RALGDS: variants seen among roughly 807,000 people sequenced by gnomAD.
RALGDS encodes ral guanine nucleotide dissociation stimulator, also known as ral guanine nucleotide exchange factor.
A neutral mutation model predicts 99.8 loss-of-function variants in RALGDS; 44 were observed. The ratio of observed to expected loss-of-function variants is 0.44; its 90% confidence interval spans 0.35 to 0.57. The LOEUF (loss-of-function observed/expected upper bound fraction) is 0.57. Among genes scored for constraint, RALGDS ranks in the 20% least tolerant of loss-of-function variants. The pLI is 0.01. For missense variants in RALGDS, 1,022 were observed against 1,203.1 expected (o/e 0.85, Z 2.23); for synonymous variants, 529 against 505.0 (o/e 1.05, Z -0.64).
chr9:133,118,308 A>G (rs1831720119), intron 1 of RALGDS, among the ~76,000 whole-genome samples: 4 of 152,232 alleles, frequency 2.6e-5, no homozygotes, highest in South Asian at 4.1e-4. Context: ...ACCTGCACAC[A>G]GTGTGATCAA....
At chr9:133,108,611 C>T (rs955460603) in intron 5 of RALGDS, 62 bp downstream of exon 5, 12 of 1,589,712 alleles carry the variant, frequency 7.5e-6, no homozygotes, top group South Asian at 2.2e-5. Context: ...GCCTCCTCTT[C>T]GTGTGGCCCA....
chr9:133,104,570 G>A, intron 9 of RALGDS: 2 of 536,848 alleles, frequency 3.7e-6, no homozygotes, highest in Non-Finnish European at 6.8e-6. Context: ...CCAGCATTTT[G>A]GAAGGCCAAG....
At chr9:133,110,268 C>A (rs746457280) in intron 3 of RALGDS, 28 bp downstream of exon 3, 2 of 1,604,920 alleles carry the variant, frequency 1.2e-6, no homozygotes, top group South Asian at 2.2e-5. Context: ...CCCCTGTGCA[C>A]CCTGTGCAGT....
rs567819979 is a variant in RALGDS, at chr9:133,119,593, C to T, written c.183+1379G>A. ...TGCACGGCCACTGTGAGCGCTCCGCCGGACCCTCCCAGCACACAAAGCCCG... is the reference window on the plus strand; with the variant it reads ...TGCACGGCCACTGTGAGCGCTCCGCTGGACCCTCCCAGCACACAAAGCCCG... On this transcript the variant is annotated intron_variant, in intron 1 of 17. Transcript: ENST00000372050. Among the ~76,000 whole-genome samples, 161 of 152,178 alleles carry T rather than the reference C, an allele frequency of 1.1e-3. 1 individual carries two copies. Among genetic ancestry groups the T allele is most frequent in the African/African-American group, 3.7e-3 (153 of 41,514 alleles).
At chr9:133,104,361 G>C (rs772853164) in intron 9 of RALGDS, 30 bp from the exon 10 acceptor site, 2 of 1,586,222 alleles carry the variant, frequency 1.3e-6, no homozygotes, top group Non-Finnish European at 8.7e-7. Flanking sequence ...GGTCAGCAAG[G>C]CCCTATCCCC....
chr9:133,110,927 C>T (rs1564238389), intron 2 of RALGDS, among the ~76,000 whole-genome samples: 1 of 151,134 alleles, frequency 6.6e-6, no homozygotes, highest in Admixed American at 6.6e-5. Context: ...ACAAAAAATA[C>T]AAAATTAGCC....
At chr9:133,101,176 A>C in intron 16 of RALGDS, 6 of 1,197,288 alleles carry the variant, frequency 5.0e-6, no homozygotes, top group South Asian at 3.4e-5. Flanking sequence ...CCAGACAGAG[A>C]AGCCAGCCAT....
At position 133,103,725 on chromosome 9, in the gene RALGDS, C is replaced by T. The variant is rs774484863; in HGVS notation, c.1758+22G>A. On this transcript the variant is annotated intron_variant, in intron 11 of 17. Transcript: ENST00000372050. The stretch of plus-strand genomic sequence containing the variant: ...AGGTCTCTCCTCCCGGGCCCTACTC[C>T]AGCCCCGCCCGGCACACTCACATAC... The T allele has an allele frequency of 1.1e-5, 18 of 1,612,034 alleles. No homozygotes were observed. In the South Asian group the frequency reaches 1.6e-4, roughly 15 times the overall value.
chr9:133,117,518 G>A (rs1831669868), intron 1 of RALGDS, among the ~76,000 whole-genome samples: 3 of 152,198 alleles, frequency 2.0e-5, no homozygotes, highest in African/African-American at 7.2e-5. Context: ...AGCCACTGTT[G>A]GGCTGCCATC....
At chr9:133,142,244 T>C (rs1462375040) in intron 1 of RALGDS, among the ~76,000 whole-genome samples, 2 of 152,018 alleles carry the variant, frequency 1.3e-5, no homozygotes, top group African/African-American at 4.8e-5. Flanking sequence ...CCATGAGAAG[T>C]ATCTGAGGAA....
intron 2 of RALGDS, among the ~76,000 whole-genome samples, chr9:133,110,804 A>G (rs1199924762): frequency 6.6e-6 from 1 of 152,184 alleles, no homozygotes; most frequent in Non-Finnish European, 1.5e-5. Context: ...AGCCAGGGCC[A>G]GGCATAGTAG....
intron 1 of RALGDS, among the ~76,000 whole-genome samples, chr9:133,143,902 T>C (rs1206609429): frequency 6.6e-6 from 1 of 151,674 alleles, no homozygotes; most frequent in Non-Finnish European, 1.5e-5. Flanking sequence ...TGATGCCATG[T>C]GAGCAGCTCC....
intron 1 of RALGDS, among the ~76,000 whole-genome samples, chr9:133,117,755 C>T (rs1437657429): frequency 3.9e-5 from 6 of 152,228 alleles, no homozygotes; most frequent in African/African-American, 1.4e-4. Context: ...AGCATGGTGG[C>T]ACCACGCCAT....
chr9:133,100,325 G>A lies in RALGDS; in HGVS notation c.2512C>T (p.Leu838=). The stretch of plus-strand genomic sequence containing the variant: ...TAGTCCTCCGGCTCCTCCTCCTCCA[G>A]GTTGTGTTTGTCCATGGCCTTGCGG... ...VIRKAMDKHN[L]EEEEPEDYEL... The change falls in exon 17 of 18, where the codon CTG becomes TTG. Residue 838 remains leucine (L), a synonymous_variant. Transcript: ENST00000372050. 2.5e-6 allele frequency: 4 copies of A among 1,614,214 alleles called. No homozygotes were observed. The highest frequency in any genetic ancestry group is 3.4e-6 in the Non-Finnish European group (4 of 1,180,026).
rs1246789806 is a variant in RALGDS, at chr9:133,104,311, G to A, written c.1623C>T (p.Ala541=). 6 of 1,613,668 alleles carry A rather than the reference G, an allele frequency of 3.7e-6. No homozygotes were observed. Among genetic ancestry groups the A allele is most frequent in the Non-Finnish European group, 5.1e-6 (6 of 1,179,702 alleles). The stretch of plus-strand genomic sequence containing the variant: ...CTCTCTTGGGGTTCATCTCCAGGGT[G>A]GCAAACTTGGAGGTGCCCTCCTGCC... ...LLIKEGTSKF[A]TLEMNPKRAQ... is the part of the protein sequence containing the mutation. Residue 541 remains alanine, a synonymous_variant, in exon 10 of 18, where the codon GCC becomes GCT. Transcript: ENST00000372050.
intron 1 of RALGDS, among the ~76,000 whole-genome samples, chr9:133,139,864 T>C (rs1346251682): frequency 2.0e-5 from 3 of 152,084 alleles, no homozygotes; most frequent in Admixed American, 6.5e-5. Flanking sequence ...CCCACATCCG[T>C]AGGCCCACAG....
chr9:133,109,757 C>G (rs371079040), intron 3 of RALGDS, 36 bp from the exon 4 acceptor site: 5 of 1,573,612 alleles, frequency 3.2e-6, no homozygotes, highest in Non-Finnish European at 4.4e-6. Context: ...TCTGACTCTC[C>G]GACTAGAACG....
In RALGDS at chr9:133,121,143, G is replaced by T. The variant is rs1398871805; in HGVS notation, c.12C>A (p.Arg4=). 3 of 1,364,330 alleles carry T rather than the reference G, an allele frequency of 2.2e-6. No individual in the cohort carries two copies. The highest frequency in any genetic ancestry group is 2.8e-6 in the Non-Finnish European group (3 of 1,057,228). The allele number at this position is 1,364,330 out of a possible 1,614,324, so 84.5% of individuals were successfully genotyped here. A position where few individuals can be genotyped will look rare whatever the true frequency, so the allele number is the denominator to read the frequency against. The stretch of plus-strand genomic sequence containing the variant: ...CAGGCCCGGCCGCCTCGGCCCACAT[G>T]CGCTGCACCATGGAAGGCTCGCAGC... The part of the protein sequence containing the change: MVQ[R]MWAEAAGPAG... The change falls in exon 1 of 18, where the codon CGC becomes CGA. Residue 4 remains arginine (R), a synonymous_variant. Transcript: ENST00000372050.
chr9:133,117,456 A>G (rs554364461), intron 1 of RALGDS, among the ~76,000 whole-genome samples: 2 of 152,336 alleles, frequency 1.3e-5, no homozygotes, highest in East Asian at 3.9e-4. Flanking sequence ...AAGCTTCCCC[A>G]TGGAGGAAAA....
Sources: gnomAD v4.1 joint callset for allele counts (sites outside exome capture counted in the v4.1 genomes callset) on GRCh38, gnomAD v4.1.1 for gene constraint, MANE v1.5 for transcripts, NCBI Gene and HGNC (gene_info 2026-07-23, HGNC 2026-07-21) for gene names.